PCDH15: variants seen among roughly 807,000 people sequenced by gnomAD.
The protein encoded by PCDH15 is protocadherin related 15.
In PCDH15, 129 loss-of-function variants were observed where a neutral mutation model predicts 178.5. That is an observed-to-expected ratio of 0.72 (90% confidence interval 0.63 to 0.84). PCDH15 has a LOEUF of 0.84. Among genes scored for constraint, PCDH15 ranks in the 40% least tolerant of loss-of-function variants. The probability of loss-of-function intolerance (pLI) is 0.00; values close to 1 mark genes in which losing one functional copy is unlikely to be tolerated. For synonymous variants in PCDH15, 800 were observed against 732.0 expected (o/e 1.09, Z -1.50); for missense variants, 2,230 against 2,099.9 (o/e 1.06, Z -1.21).
chr10:55,619,524 T>G lies in PCDH15; in HGVS notation c.-156+8101A>C, dbSNP rs576464610. Among the ~76,000 whole-genome samples, 49 of 152,142 alleles carry G rather than the reference T, an allele frequency of 3.2e-4. No homozygotes were observed. The South Asian group carries it at 9.1e-3, about 28-fold the overall frequency. ...TAACTGGGAAATTTTGGACAAAGTT[T>G]TAAACTTTCCTGAACATAAAATGCC... On this transcript the variant is annotated intron_variant, in intron 2 of 5. Coordinates refer to the PCDH15 transcript ENST00000613346.
chr10:54,444,142 T>G (rs992731129), intron 3 of PCDH15, among the ~76,000 whole-genome samples: 3 of 151,720 alleles, frequency 2.0e-5, no homozygotes, highest in Admixed American at 6.6e-5. Context: ...CTGTGCCTCA[T>G]TATCATTCTC....
intron 3 of PCDH15, among the ~76,000 whole-genome samples, chr10:54,857,715 C>A (rs1223378148): frequency 6.6e-6 from 1 of 151,632 alleles, no homozygotes; most frequent in Non-Finnish European, 1.5e-5. Context: ...GCCTCCCAAA[C>A]TGCTGGGATT....
At chr10:54,618,955 T>C (rs1590585150) in intron 2 of PCDH15, among the ~76,000 whole-genome samples, 2 of 152,156 alleles carry the variant, frequency 1.3e-5, no homozygotes, top group East Asian at 3.9e-4. Context: ...AAGCATCAAA[T>C]GGATGTTTTC....
At chr10:55,002,386 A>C (rs544232286) in intron 2 of PCDH15, among the ~76,000 whole-genome samples, 39 of 152,358 alleles carry the variant, frequency 2.6e-4, no homozygotes, top group Admixed American at 2.0e-3. Flanking sequence ...GGAAAAGTTA[A>C]TTGTGTTACT....
chr10:54,633,539 C>A (rs2093759585), intron 2 of PCDH15, among the ~76,000 whole-genome samples: 1 of 151,908 alleles, frequency 6.6e-6, no homozygotes. Context: ...TGGACCATGT[C>A]TAGGTTCAAG....
At chr10:54,236,405 T>C (rs1325225243) in intron 9 of PCDH15, among the ~76,000 whole-genome samples, 2 of 152,048 alleles carry the variant, frequency 1.3e-5, no homozygotes, top group Non-Finnish European at 2.9e-5. Flanking sequence ...GGCTCCAAAA[T>C]AGCTCTTTTT....
In PCDH15 at chr10:54,342,979, T is replaced by C. The variant is rs527755380; in HGVS notation, c.594+3386A>G. Among the ~76,000 whole-genome samples the C allele has an allele frequency of 2.0e-5, 3 of 152,306 alleles. No individual in the cohort carries two copies. In the South Asian group the frequency reaches 6.2e-4, roughly 32 times the overall value. On this transcript the variant is annotated intron_variant, in intron 6 of 37. Coordinates refer to ENST00000644397, the MANE Select transcript of PCDH15 (RefSeq NM_001384140.1). ...TCATTGTATCTTGGAAGTAACAACT[T>C]GTTTTTGATTTTATAGGCTTATGGG...
At chr10:54,979,513 A>G (rs185053766) in intron 2 of PCDH15, among the ~76,000 whole-genome samples, 2 of 152,104 alleles carry the variant, frequency 1.3e-5, no homozygotes, top group East Asian at 1.9e-4. Context: ...TTCTAAATAT[A>G]CAAAAATTAG....
chr10:54,167,823 A>ACACCCCAACCTCGTATCTCTG (rs2046405506), intron 13 of PCDH15, among the ~76,000 whole-genome samples: 1 of 142,824 alleles, frequency 7.0e-6, no homozygotes, highest in Non-Finnish European at 1.5e-5. Flanking sequence ...CCTTATTTCC[A>ACACCCCAACCTCGTATCTCTG]TGCCCCAACC....
At chr10:54,722,663 A>G (rs1941833692) in intron 1 of PCDH15, among the ~76,000 whole-genome samples, 1 of 151,544 alleles carries the variant, frequency 6.6e-6, no homozygotes, top group Admixed American at 6.6e-5. Context: ...CCCCCAGAAG[A>G]CCTCTCCACT....
intron 2 of PCDH15, among the ~76,000 whole-genome samples, chr10:54,541,373 CTT>C (rs1475521058): frequency 4.6e-5 from 7 of 152,018 alleles, no homozygotes. Flanking sequence ...AAAATCATGA[CTT>C]AATATATTTC....
intron 2 of PCDH15, among the ~76,000 whole-genome samples, chr10:55,072,009 A>C (rs1461551594): frequency 2.0e-5 from 3 of 152,200 alleles, no homozygotes; most frequent in Non-Finnish European, 4.4e-5. Context: ...TGGGTACCTA[A>C]CGAAATGAAG....
At chr10:54,697,534 T>TATATATATATATATATATATATAC (rs1256170283) in intron 1 of PCDH15, among the ~76,000 whole-genome samples, 17 of 150,730 alleles carry the variant, frequency 1.1e-4, no homozygotes, top group African/African-American at 4.2e-4. Flanking sequence ...TATATATATA[T>TATATATATATATATATATATATAC]ACCTCTTTAC....
intron 2 of PCDH15, among the ~76,000 whole-genome samples, chr10:55,439,782 C>T (rs1035834869): frequency 6.6e-6 from 1 of 151,584 alleles, no homozygotes; most frequent in Non-Finnish European, 1.5e-5. Context: ...AACAGGATAG[C>T]AGAATTGAAA....
chr10:53,889,547 A>G (rs966910308), intron 26 of PCDH15, among the ~76,000 whole-genome samples: 3 of 151,820 alleles, frequency 2.0e-5, no homozygotes, highest in African/African-American at 7.3e-5. Context: ...AAAAAAAAAA[A>G]TCAGACAAAA....
At chr10:55,042,940 A>C (rs1304408374) in intron 2 of PCDH15, among the ~76,000 whole-genome samples, 1 of 151,924 alleles carries the variant, frequency 6.6e-6, no homozygotes, top group Non-Finnish European at 1.5e-5. Context: ...GCTAAAAATA[A>C]TTTTACTTGT....
chr10:53,980,780 T>G (rs60890126), intron 21 of PCDH15, among the ~76,000 whole-genome samples: 13,635 of 152,224 alleles, frequency 0.09, 1,774 homozygotes, highest in African/African-American at 0.29. Flanking sequence ...CATCAGTCAA[T>G]AATTTTCATA....
chr10:55,570,771 C>A (rs1393196019), intron 2 of PCDH15, among the ~76,000 whole-genome samples: 1 of 151,940 alleles, frequency 6.6e-6, no homozygotes, highest in African/African-American at 2.4e-5. Context: ...TGATTTCCAT[C>A]CAGACTTAAT....
At position 54,947,333 on chromosome 10, in the gene PCDH15, T is replaced by G. The variant is rs369378395; in HGVS notation, c.-79-49833A>C. Among the ~76,000 whole-genome samples the G allele has an allele frequency of 1.4e-4, 21 of 152,062 alleles. 1 individual carries two copies. The East Asian group carries it at 1.7e-3, about 13-fold the overall frequency. On this transcript the variant is annotated intron_variant, in intron 2 of 5. Transcript: ENST00000458638. ...ATGAAAATACAGATAGTTTTAAATA[T>G]AATGCAAACTTATATCCTTGTTTTT...
Sources: allele counts gnomAD v4.1 joint callset (sites outside exome capture counted in the v4.1 genomes callset), GRCh38; gene constraint gnomAD v4.1.1; transcripts MANE v1.5; gene names NCBI Gene and HGNC (gene_info 2026-07-23, HGNC 2026-07-21).